PALLD: variants seen among roughly 807,000 people sequenced by gnomAD.
PALLD encodes palladin, cytoskeletal associated protein, also known as palladin.
PALLD carries 61 observed loss-of-function variants against 123.5 expected under a neutral mutation model. The ratio of observed to expected loss-of-function variants is 0.49; its 90% CI spans 0.40 to 0.61. The LOEUF (loss-of-function observed/expected upper bound fraction) is 0.61. Ranked by LOEUF, PALLD falls within the 20% of genes least tolerant of loss-of-function variation. The pLI, the probability that PALLD is intolerant of heterozygous loss-of-function variation, is 0.00. For missense variants in PALLD, 1,273 were observed against 1,377.0 expected (o/e 0.92, Z 1.20); for synonymous variants, 465 against 496.4 (o/e 0.94, Z 0.84).
At chr4:168,751,135 C>G (rs951342888) in intron 10 of PALLD, among the ~76,000 whole-genome samples, 5 of 151,934 alleles carry the variant, frequency 3.3e-5, no homozygotes, top group African/African-American at 1.2e-4. Flanking sequence ...GCCTCAGCCT[C>G]CCGAGTAGCT....
intron 2 of PALLD, among the ~76,000 whole-genome samples, chr4:168,554,057 G>A (rs925272799): frequency 2.0e-5 from 3 of 152,190 alleles, no homozygotes; most frequent in African/African-American, 4.8e-5. Flanking sequence ...TGAGGCCAGC[G>A]CAGTGCCTGG....
At chr4:168,701,156 G>A (rs1783634083) in intron 8 of PALLD, among the ~76,000 whole-genome samples, 1 of 152,224 alleles carries the variant, frequency 6.6e-6, no homozygotes, top group African/African-American at 2.4e-5. Flanking sequence ...GATTCTCTGA[G>A]AAAGTAATGT....
At chr4:168,544,065 G>A (rs1765904472) in intron 2 of PALLD, among the ~76,000 whole-genome samples, 1 of 152,128 alleles carries the variant, frequency 6.6e-6, no homozygotes, top group Non-Finnish European at 1.5e-5. Flanking sequence ...AATTCTACAA[G>A]GCAAATATCA....
At chr4:168,636,207 G>A (rs563028065) in intron 2 of PALLD, among the ~76,000 whole-genome samples, 22 of 152,154 alleles carry the variant, frequency 1.4e-4, no homozygotes, top group African/African-American at 5.1e-4. Flanking sequence ...TGCCAGACAC[G>A]GTGGCTCATA....
At chr4:168,718,421 CT>C (rs960649154) in intron 10 of PALLD, among the ~76,000 whole-genome samples, 3 of 152,102 alleles carry the variant, frequency 2.0e-5, no homozygotes, top group Non-Finnish European at 2.9e-5. Context: ...ATCTAGCACA[CT>C]TTTTTTTCTT....
At chr4:168,792,187 G>A (rs939454454) in intron 10 of PALLD, among the ~76,000 whole-genome samples, 13 of 152,218 alleles carry the variant, frequency 8.5e-5, no homozygotes, top group South Asian at 8.3e-4. Flanking sequence ...ACACATCACT[G>A]GATCAAGATT....
intron 10 of PALLD, among the ~76,000 whole-genome samples, chr4:168,789,702 CAAA>C (rs58941945): frequency 2.4e-5 from 2 of 83,268 alleles, no homozygotes; most frequent in Admixed American, 1.4e-4. Context: ...GACTCCGTCT[CAAA>C]AAAAAAAAAA....
At chr4:168,691,338 A>G (rs1782606135) in intron 8 of PALLD, 46 bp downstream of exon 8, 3 of 1,511,048 alleles carry the variant, frequency 2.0e-6, no homozygotes, top group Admixed American at 3.4e-5. Flanking sequence ...GGGGGAGCAG[A>G]TAATGTATCT....
rs183898360 is a variant in PALLD at position 168,518,097 on chromosome 4, C to T, written c.908+5685C>T. ...CTCCATGTCAACAAAAGACAACCCT[C>T]CTTCCAGCTGTTCAGGAAAAAAACC... is the stretch of plus-strand genomic sequence containing the variant. On this transcript the variant is annotated intron_variant, in intron 2 of 21. Coordinates refer to ENST00000505667, the MANE Select transcript of PALLD (RefSeq NM_001166108.2). Among the ~76,000 whole-genome samples, 9 of 152,282 alleles carry T rather than the reference C, an allele frequency of 5.9e-5. No homozygotes were observed. The East Asian group carries it at 1.5e-3, about 26-fold the overall frequency.
chr4:168,878,237 C>T (rs1250515638), intron 10 of PALLD: 7 of 1,521,858 alleles, frequency 4.6e-6, no homozygotes, highest in South Asian at 1.2e-5. Flanking sequence ...GCCACCACCG[C>T]CGCTCCCGAG....
chr4:168,916,769 C>T (rs963431710), intron 17 of PALLD, among the ~76,000 whole-genome samples: 2 of 150,732 alleles, frequency 1.3e-5, no homozygotes, highest in Admixed American at 1.3e-4. Flanking sequence ...CAACCTCTGC[C>T]TCCTGGGTCT....
At chr4:168,547,951 A>G (rs1374506427) in intron 2 of PALLD, among the ~76,000 whole-genome samples, 1 of 151,090 alleles carries the variant, frequency 6.6e-6, no homozygotes, top group Admixed American at 6.6e-5. Context: ...GTCTCAAAAA[A>G]AAAAAAAAAA....
intron 10 of PALLD, among the ~76,000 whole-genome samples, chr4:168,760,315 G>A (rs1251536851): frequency 7.5e-6 from 1 of 134,112 alleles, no homozygotes; most frequent in East Asian, 3.3e-4. Context: ...CCCGGCTCTG[G>A]CAGTGGGTGC....
chr4:168,749,771 A>G (rs1730793503), intron 10 of PALLD, among the ~76,000 whole-genome samples: 1 of 152,140 alleles, frequency 6.6e-6, no homozygotes, highest in African/African-American at 2.4e-5. Context: ...CAGATTTGTT[A>G]CATGGGGGTA....
At chr4:168,883,197 T>C (rs1351320489) in intron 10 of PALLD, among the ~76,000 whole-genome samples, 1 of 152,216 alleles carries the variant, frequency 6.6e-6, no homozygotes. Context: ...TCTATTTTCC[T>C]TTAAATATGA....
At chr4:168,714,758 C>T (rs1421473998) in intron 10 of PALLD, among the ~76,000 whole-genome samples, 6 of 151,152 alleles carry the variant, frequency 4.0e-5, no homozygotes, top group South Asian at 2.1e-4. Flanking sequence ...ATTCGGAGGG[C>T]GCAAGTAATA....
At chr4:168,605,964 A>G (rs1158253443) in intron 2 of PALLD, among the ~76,000 whole-genome samples, 1 of 151,726 alleles carries the variant, frequency 6.6e-6, no homozygotes. Context: ...ATTTCTAGAA[A>G]TCTCTTTTTT....
chr4:168,714,966 G>C (rs1785205489), intron 10 of PALLD, among the ~76,000 whole-genome samples: 1 of 151,974 alleles, frequency 6.6e-6, no homozygotes, highest in Non-Finnish European at 1.5e-5. Context: ...AGGGCCATGA[G>C]CTCTTTTCTC....
chr4:168,772,665 T>A (rs372746125), intron 10 of PALLD, among the ~76,000 whole-genome samples: 1 of 152,234 alleles, frequency 6.6e-6, no homozygotes, highest in African/African-American at 2.4e-5. Flanking sequence ...TTTGCATAAA[T>A]GTGCCTGACA....
Sources: gnomAD v4.1 joint callset for allele counts (sites outside exome capture counted in the v4.1 genomes callset) on GRCh38, gnomAD v4.1.1 for gene constraint, MANE v1.5 for transcripts, NCBI Gene and HGNC (gene_info 2026-07-23, HGNC 2026-07-21) for gene names.